Variants in CELA3B observed in about 807,000 individuals in gnomAD.
The protein encoded by CELA3B is chymotrypsin like elastase 3B.
CELA3B carries 34 observed loss-of-function variants against 37.2 expected under a neutral mutation model. That is an observed-to-expected ratio of 0.91 (90% CI 0.70 to 1.22). The LOEUF (loss-of-function observed/expected upper bound fraction) is 1.22. Among genes scored for constraint, CELA3B ranks in the 50% most tolerant of loss-of-function variants. The pLI, the probability that CELA3B is intolerant of heterozygous loss-of-function variation, is 0.00. For synonymous variants in CELA3B, 127 were observed against 143.5 expected (o/e 0.89, Z 0.82); for missense variants, 340 against 363.1 (o/e 0.94, Z 0.52).
intron 4 of CELA3B, among the ~76,000 whole-genome samples, chr1:21,981,987 A>C (rs1644808658): frequency 6.6e-6 from 1 of 152,062 alleles, no homozygotes; most frequent in South Asian, 2.1e-4. Flanking sequence ...GGCCTCCCAA[A>C]GTGCTAGGAT....
chr1:21,991,555 C>T (rs546109648), downstream of CELA3B, among the ~76,000 whole-genome samples: 40 of 151,102 alleles, frequency 2.6e-4, 1 homozygote, highest in South Asian at 3.8e-3. Flanking sequence ...AGGCTGGTCT[C>T]GAACTCCTGA....
intron 6 of CELA3B, among the ~76,000 whole-genome samples, chr1:21,986,175 C>T (rs1644837516): frequency 1.3e-5 from 2 of 151,274 alleles, no homozygotes; most frequent in South Asian, 4.2e-4. Context: ...TTGAGACTAA[C>T]CTGGCCAACA....
chr1:21,989,385 T>C, downstream of CELA3B: 2 of 890,474 alleles, frequency 2.2e-6, no homozygotes, highest in Non-Finnish European at 3.5e-6. Flanking sequence ...TTGACTCACC[T>C]CTTCCCCTCT....
intron 4 of CELA3B, among the ~76,000 whole-genome samples, chr1:21,996,429 A>G (rs1644890635): frequency 6.6e-6 from 1 of 151,148 alleles, no homozygotes; most frequent in South Asian, 2.1e-4. Context: ...CAGCACCACG[A>G]CAATTTACAA....
intron 4 of CELA3B, among the ~76,000 whole-genome samples, 169 bp from the exon 5 acceptor site, chr1:21,983,525 G>C (rs115661820): frequency 0.036 from 4,105 of 112,488 alleles, 60 homozygotes; most frequent in Non-Finnish European, 0.057. Flanking sequence ...GGCAACAGAT[G>C]GAGACTCTGT....
At chr1:21,988,157 C>A (rs12133550) in intron 7 of CELA3B, among the ~76,000 whole-genome samples, 4,626 of 144,018 alleles carry the variant, frequency 0.032, 2 homozygotes, top group African/African-American at 0.036. Flanking sequence ...GGTTGCAGTG[C>A]GCCGAGATTA....
intron 4 of CELA3B, among the ~76,000 whole-genome samples, chr1:21,997,602 T>A (rs1644896281): frequency 6.7e-6 from 1 of 149,854 alleles, no homozygotes; most frequent in Non-Finnish European, 1.5e-5. Flanking sequence ...GGCAGAAGAA[T>A]CACTTGAACC....
intron 5 of CELA3B, 36 bp downstream of exon 5, chr1:21,983,866 G>A: frequency 6.2e-7 from 1 of 1,609,868 alleles, no homozygotes. Flanking sequence ...CACAGGGACA[G>A]TGGCAGAAAG....
intron 4 of CELA3B, chr1:21,998,028 G>C (rs910664372): frequency 1.2e-5 from 5 of 407,876 alleles, no homozygotes; most frequent in Admixed American, 8.6e-5. Flanking sequence ...AAAGCTAATC[G>C]ATAACACAAA....
intron 7 of CELA3B, among the ~76,000 whole-genome samples, chr1:21,988,538 C>G (rs568803518): frequency 2.7e-5 from 4 of 147,116 alleles, no homozygotes; most frequent in African/African-American, 1.0e-4. Context: ...TTGCAGTGAG[C>G]CAAGATTGCA....
At position 21,997,187 on chromosome 1, in the gene CELA3B, C is replaced by G. The variant is rs181508976; in HGVS notation, c.505-964C>G. ...CCAGGCTGGCCAACCTGGTGAGACCCCATCTCTACTAAAAATACAAAAAAT... is the reference window on the plus strand; with the variant it reads ...CCAGGCTGGCCAACCTGGTGAGACCGCATCTCTACTAAAAATACAAAAAAT... On this transcript the variant is annotated intron_variant, in intron 4 of 4. Transcript: ENST00000400277. 7.4e-4 allele frequency among the ~76,000 whole-genome samples: 110 copies of G among 148,812 alleles called. 4 individuals are homozygous for G. In the East Asian group the frequency reaches 0.018, roughly 24 times the overall value.
Position 21,980,908 on chromosome 1 carries a change from G to A in CELA3B, c.214G>A (p.Gly72Ser), listed in dbSNP as rs1439130946. Residue 72 changes from glycine to serine, a missense_variant, in exon 3 of 8, where the codon GGC becomes AGC. Gly to Ser is a moderately conservative substitution (Grantham distance 56, BLOSUM62 0). Transcript: ENST00000337107. Reference sequence around the variant, plus strand: ...CGCCCCCGACTGGGTTGTGACTGCCGGCCACTGCATCTCGTGAGTTCTCTA... The same window carrying A: ...CGCCCCCGACTGGGTTGTGACTGCCAGCCACTGCATCTCGTGAGTTCTCTA... ...LIAPDWVVTA[G>S]HCISSSRTYQ... 22 of 1,613,498 alleles carry A rather than the reference G, an allele frequency of 1.4e-5. No individual in the cohort carries two copies. The highest frequency in any genetic ancestry group is 2.2e-5 in the East Asian group (1 of 44,846).
intron 1 of CELA3B, chr1:21,977,752 T>A: frequency 3.2e-6 from 1 of 308,214 alleles, no homozygotes. Flanking sequence ...TTTGTTGAGA[T>A]GGGGTCTTGC....
chr1:21,986,594 A>C lies in CELA3B; in HGVS notation c.706A>C (p.Thr236Pro), dbSNP rs1399778251. The C allele has an allele frequency of 3.7e-6, 6 of 1,614,096 alleles. No homozygotes were observed. The highest frequency in any genetic ancestry group is 1.6e-4 in the Middle Eastern group (1 of 6,062). Residue 236 changes from threonine (T) to proline (P), a missense_variant, in exon 7 of 8, where the codon ACC (threonine) becomes CCC (proline). By Grantham distance (38) the Thr-to-Pro change is conservative (BLOSUM62 -1). Transcript: ENST00000337107. Reference protein sequence around the residue: ...EDGGWQVHGVTSFVSAFGCNT... With the variant: ...EDGGWQVHGVPSFVSAFGCNT... ...TGGTGGCTGGCAGGTCCATGGCGTG[A>C]CCAGCTTTGTTTCTGCCTTTGGCTG... is the stretch of plus-strand genomic sequence containing the variant.
At chr1:21,996,191 C>T (rs1205433180) in intron 4 of CELA3B, among the ~76,000 whole-genome samples, 7 of 151,076 alleles carry the variant, frequency 4.6e-5, no homozygotes, top group South Asian at 2.1e-4. Context: ...CCAGCCTGAG[C>T]GACAGCCAGG....
In CELA3B at chr1:21,979,433, TTTTTCTTTTC is replaced by T. The variant is rs1189614612; in HGVS notation, c.129+994_129+1003del. Among the ~76,000 whole-genome samples the T allele has an allele frequency of 7.8e-4, 106 of 135,854 alleles. 5 individuals carry two copies. The highest frequency in any genetic ancestry group is 2.3e-3 in the African/African-American group (82 of 36,388). The allele number at this position is 135,854 out of a possible 152,430, so 89.1% of individuals were successfully genotyped here. On this transcript the variant is annotated intron_variant, in intron 2 of 7. Coordinates refer to ENST00000337107, the MANE Select transcript of CELA3B (RefSeq NM_007352.4). ...TTCCTCAGTGCTTGCCATATTTCTT[TTTTTCTTTTC>T]TTTTCTTTTCTTTTTTTTTTTTTTT...
intron 7 of CELA3B, among the ~76,000 whole-genome samples, chr1:21,988,968 CGT>C (rs1644856844): frequency 6.6e-6 from 1 of 150,826 alleles, no homozygotes; most frequent in South Asian, 2.1e-4. Flanking sequence ...CACACACAGA[CGT>C]ATATATATAC....
chr1:21,985,013 C>T (rs1486943156), intron 6 of CELA3B, among the ~76,000 whole-genome samples: 4 of 152,010 alleles, frequency 2.6e-5, no homozygotes, highest in Non-Finnish European at 4.4e-5. Flanking sequence ...GGCACAGTCC[C>T]TCATGCCTAT....
chr1:21,980,685 G>A (rs943100381), intron 2 of CELA3B, 139 bp from the exon 3 acceptor site: 19 of 659,298 alleles, frequency 2.9e-5, no homozygotes, highest in Non-Finnish European at 5.0e-5. Flanking sequence ...GTTGTATGCT[G>A]CATATTTCAG....
Sources: gnomAD v4.1 joint callset for allele counts (sites outside exome capture counted in the v4.1 genomes callset) on GRCh38, gnomAD v4.1.1 for gene constraint, MANE v1.5 for transcripts, NCBI Gene and HGNC (gene_info 2026-07-23, HGNC 2026-07-21) for gene names.